The following IL1RAPL1 variants were observed in gnomAD, a reference collection of about 807,000 sequenced individuals.
The protein encoded by IL1RAPL1 is interleukin 1 receptor accessory protein like 1.
IL1RAPL1 carries 3 observed loss-of-function variants against 48.4 expected under a neutral mutation model. The observed-to-expected ratio is 0.06, with a 90% CI of 0.03 to 0.16. IL1RAPL1 has a LOEUF of 0.16. IL1RAPL1 is among the 10% of genes least tolerant of loss of function. The probability of loss-of-function intolerance (pLI) is 1.00; values close to 1 mark genes in which losing one functional copy is unlikely to be tolerated. For missense variants in IL1RAPL1, 349 were observed against 530.6 expected (o/e 0.66, Z 3.36); for synonymous variants, 185 against 187.7 (o/e 0.99, Z 0.12).
chrX:29,027,928 G>GTT (rs1926522713), intron 2 of IL1RAPL1, among the ~76,000 whole-genome samples: 1 of 108,935 alleles, frequency 9.2e-6, no homozygotes, highest in Admixed American at 9.9e-5. Flanking sequence ...CTTTTTGTGT[G>GTT]TGTGTGTGTG....
At chrX:28,831,340 C>A (rs1285437669) in intron 2 of IL1RAPL1, among the ~76,000 whole-genome samples, 1 of 106,156 alleles carries the variant, frequency 9.4e-6, no homozygotes, top group African/African-American at 3.4e-5. Context: ...GCTTCACCAC[C>A]TAAGGCAGCT....
At chrX:29,613,850 A>G (rs1174321988) in intron 5 of IL1RAPL1, among the ~76,000 whole-genome samples, 1 of 93,388 alleles carries the variant, frequency 1.1e-5, no homozygotes, top group Non-Finnish European at 2.1e-5. Flanking sequence ...TGCAAGCTCC[A>G]CCTCCTGGGT....
At chrX:29,724,798 TTATG>T (rs767548466) in intron 6 of IL1RAPL1, among the ~76,000 whole-genome samples, 108 of 112,025 alleles carry the variant, frequency 9.6e-4, no homozygotes, top group African/African-American at 3.3e-3. Context: ...ATAAATGAAA[TTATG>T]TATGTATGAG....
intron 5 of IL1RAPL1, among the ~76,000 whole-genome samples, chrX:29,627,685 C>A (rs368739270): frequency 1.8e-5 from 2 of 111,447 alleles, no homozygotes; most frequent in East Asian, 5.6e-4. Flanking sequence ...CCATTCTCAG[C>A]CCCATCTAAC....
intron 9 of IL1RAPL1, among the ~76,000 whole-genome samples, chrX:29,942,578 A>G (rs1936327349): frequency 9.0e-6 from 1 of 111,209 alleles, no homozygotes; most frequent in South Asian, 3.8e-4. Flanking sequence ...AGCATATGCA[A>G]ACTGACAATG....
chrX:28,698,964 T>C (rs192872690), intron 1 of IL1RAPL1, among the ~76,000 whole-genome samples: 2 of 112,026 alleles, frequency 1.8e-5, no homozygotes, highest in East Asian at 5.6e-4. Flanking sequence ...CCTCACAATC[T>C]CTTTTATTCG....
intron 2 of IL1RAPL1, among the ~76,000 whole-genome samples, chrX:28,795,949 A>G (rs1007348844): frequency 1.4e-4 from 16 of 111,475 alleles, no homozygotes; most frequent in Non-Finnish European, 2.6e-4. Context: ...TAAAATAAAG[A>G]GGTTTAATTG....
At chrX:29,477,403 G>A (rs1934990117) in intron 5 of IL1RAPL1, among the ~76,000 whole-genome samples, 1 of 111,871 alleles carries the variant, frequency 8.9e-6, no homozygotes, top group South Asian at 3.7e-4. Context: ...TAGAGAAAGC[G>A]AATGCTATTT....
intron 5 of IL1RAPL1, among the ~76,000 whole-genome samples, chrX:29,602,054 G>C (rs769823032): frequency 3.6e-4 from 40 of 111,620 alleles, no homozygotes; most frequent in African/African-American, 1.3e-3. Flanking sequence ...TGCGATCTTG[G>C]CTCACTGCAA....
chrX:29,015,376 G>T (rs892973602), intron 2 of IL1RAPL1, among the ~76,000 whole-genome samples: 1 of 111,022 alleles, frequency 9.0e-6, no homozygotes. Context: ...ATATTACTCT[G>T]TTTAAAAACA....
intron 2 of IL1RAPL1, among the ~76,000 whole-genome samples, chrX:29,054,029 G>T (rs181584670): frequency 9.0e-6 from 1 of 111,377 alleles, no homozygotes; most frequent in Admixed American, 9.6e-5. Flanking sequence ...CATTATGTAT[G>T]TATACCACAT....
chrX:29,651,721 C>A (rs186061940), intron 5 of IL1RAPL1, among the ~76,000 whole-genome samples: 1 of 111,613 alleles, frequency 9.0e-6, no homozygotes, highest in African/African-American at 3.2e-5. Context: ...TGATGACTAT[C>A]ATTGATGACA....
chrX:28,979,855 A>T (rs974499491), intron 2 of IL1RAPL1, among the ~76,000 whole-genome samples: 20 of 112,075 alleles, frequency 1.8e-4, no homozygotes, highest in African/African-American at 6.5e-4. Context: ...ATTTCCAAAG[A>T]TAAAAATGCC....
chrX:29,752,689 T>C (rs1928518468), intron 6 of IL1RAPL1, among the ~76,000 whole-genome samples: 1 of 110,975 alleles, frequency 9.0e-6, no homozygotes, highest in South Asian at 3.8e-4. Flanking sequence ...ACCTTGGTGA[T>C]ATGGTCCTTC....
intron 2 of IL1RAPL1, among the ~76,000 whole-genome samples, chrX:29,230,357 A>T (rs1931166704): frequency 9.2e-6 from 1 of 108,189 alleles, no homozygotes; most frequent in Non-Finnish European, 1.9e-5. Flanking sequence ...GTTTATTTTG[A>T]ATTCTGTAGA....
chrX:29,884,104 C>T (rs148825928), intron 6 of IL1RAPL1, among the ~76,000 whole-genome samples: 1,150 of 111,659 alleles, frequency 0.01, 17 homozygotes, highest in African/African-American at 0.034. Context: ...CTCAAGGATA[C>T]TAAAAATGAT....
At chrX:29,721,900 G>T (rs988095716) in intron 6 of IL1RAPL1, among the ~76,000 whole-genome samples, 11 of 111,820 alleles carry the variant, frequency 9.8e-5, no homozygotes, top group Admixed American at 5.7e-4. Context: ...TAATTGGAAT[G>T]CTTATCCATG....
At chrX:29,184,821 A>G (rs932051769) in intron 2 of IL1RAPL1, among the ~76,000 whole-genome samples, 1 of 112,325 alleles carries the variant, frequency 8.9e-6, no homozygotes, top group African/African-American at 3.2e-5. Flanking sequence ...TTCTTCATTG[A>G]GACTGTGTTC....
chrX:29,390,200 G>A (rs901000424), intron 3 of IL1RAPL1, among the ~76,000 whole-genome samples: 5 of 111,748 alleles, frequency 4.5e-5, no homozygotes, highest in Non-Finnish European at 5.6e-5. Context: ...GATTAGACAC[G>A]ATGGTCAAAT....
Sources: allele counts gnomAD v4.1 joint callset (sites outside exome capture counted in the v4.1 genomes callset), GRCh38; gene constraint gnomAD v4.1.1; transcripts MANE v1.5; gene names NCBI Gene and HGNC (gene_info 2026-07-23, HGNC 2026-07-21).